The following RGS6 variants were observed in gnomAD, a reference collection of about 807,000 sequenced individuals.
RGS6 encodes regulator of G protein signaling 6, also known as regulator of G-protein signaling 6.
Under a neutral mutation model 78.5 loss-of-function variants are expected in RGS6, and 30 were observed. That is an observed-to-expected ratio of 0.38 (90% confidence interval 0.29 to 0.52). The LOEUF (loss-of-function observed/expected upper bound fraction) is 0.52. Among genes scored for constraint, RGS6 ranks in the 20% least tolerant of loss-of-function variants. RGS6 has a pLI of 0.85. For synonymous variants in RGS6, 206 were observed against 206.0 expected (o/e 1.00, Z 0.00); for missense variants, 495 against 609.7 (o/e 0.81, Z 1.98).
chr14:72,010,706 G>T (rs1167192624), intron 2 of RGS6, among the ~76,000 whole-genome samples: 2 of 152,134 alleles, frequency 1.3e-5, no homozygotes, highest in Admixed American at 6.5e-5. Flanking sequence ...ATAAATCAGG[G>T]GAGGAAGATA....
intron 13 of RGS6, among the ~76,000 whole-genome samples, chr14:72,499,860 T>C (rs1450471641): frequency 6.6e-6 from 1 of 152,140 alleles, no homozygotes; most frequent in Non-Finnish European, 1.5e-5. Context: ...TCCCTCCAGC[T>C]GTTCTATATC....
chr14:71,990,979 C>A, intron 2 of RGS6: 1 of 378,744 alleles, frequency 2.6e-6, no homozygotes, highest in South Asian at 2.0e-5. Flanking sequence ...ACTCACCACT[C>A]TACGCAATAT....
At position 72,394,910 on chromosome 14, in the gene RGS6, A is replaced by G. The variant is rs893873694; in HGVS notation, c.184+42716A>G. Among the ~76,000 whole-genome samples, 6 of 152,202 alleles carry G rather than the reference A, an allele frequency of 3.9e-5. No homozygotes were observed. In the South Asian group the frequency reaches 1.2e-3, roughly 32 times the overall value. ...AGATTGCAGTAAAGACAGGCATAAG[A>G]AATTATAAAAGTATTAATTTGGGGA... On this transcript the variant is annotated intron_variant, in intron 3 of 17. Coordinates refer to ENST00000553525, the MANE Select transcript of RGS6 (RefSeq NM_001204424.2).
chr14:71,986,105 A>G (rs777039473), intron 2 of RGS6, among the ~76,000 whole-genome samples: 5 of 152,270 alleles, frequency 3.3e-5, no homozygotes, highest in Non-Finnish European at 5.9e-5. Context: ...TTCCATTTCT[A>G]TCTCATCCTT....
chr14:72,505,931 C>CT lies in RGS6; in HGVS notation c.966-4222dup, dbSNP rs559226969. 7.9e-5 allele frequency among the ~76,000 whole-genome samples: 12 copies of CT among 152,272 alleles called. No homozygotes were observed. In the South Asian group the frequency reaches 2.1e-3, roughly 26 times the overall value. On this transcript the variant is annotated intron_variant, in intron 13 of 17. Coordinates refer to ENST00000553525, the MANE Select transcript of RGS6 (RefSeq NM_001204424.2). Reference sequence around the variant, plus strand: ...TTTGGTAACTTTCCTCCATCTCTAGCTGGGGGATCAGCAGAAATGAAAGAC... The same window carrying CT: ...TTTGGTAACTTTCCTCCATCTCTAGCTTGGGGGATCAGCAGAAATGAAAGAC...
intron 2 of RGS6, among the ~76,000 whole-genome samples, chr14:72,214,470 A>G (rs1319371899): frequency 6.6e-6 from 1 of 152,260 alleles, no homozygotes; most frequent in Non-Finnish European, 1.5e-5. Flanking sequence ...GAAATTAACA[A>G]GAATCAAATA....
chr14:72,473,091 C>T (rs901255717), intron 9 of RGS6, 138 bp downstream of exon 9: 4 of 568,150 alleles, frequency 7.0e-6, no homozygotes, highest in Non-Finnish European at 1.2e-5. Context: ...CTGGTTTCGC[C>T]ATTCATTTAT....
At chr14:72,021,038 C>T (rs1482019557) in intron 2 of RGS6, among the ~76,000 whole-genome samples, 1 of 152,192 alleles carries the variant, frequency 6.6e-6, no homozygotes, top group Non-Finnish European at 1.5e-5. Context: ...TGTGTCTTGC[C>T]AACTGGGACC....
chr14:71,878,301 G>C, the RGS6 span, among the ~76,000 whole-genome samples: 1 of 152,212 alleles, frequency 6.6e-6, no homozygotes, highest in Non-Finnish European at 1.5e-5. Context: ...GAGGCAGGCA[G>C]GCCTCCTTTA....
intron 2 of RGS6, among the ~76,000 whole-genome samples, chr14:72,238,565 C>G (rs1330495480): frequency 6.6e-6 from 1 of 152,088 alleles, no homozygotes; most frequent in Non-Finnish European, 1.5e-5. Flanking sequence ...GTCATCAGAA[C>G]TTATGTATAT....
intron 2 of RGS6, among the ~76,000 whole-genome samples, chr14:72,016,169 A>G (rs566272445): frequency 2.6e-5 from 4 of 152,270 alleles, no homozygotes; most frequent in Non-Finnish European, 5.9e-5. Context: ...CATTCTTTTA[A>G]AGTTTTCAAA....
the RGS6 span, among the ~76,000 whole-genome samples, chr14:71,869,224 G>A: frequency 4.1e-4 from 63 of 152,276 alleles, no homozygotes; most frequent in East Asian, 7.9e-3. Context: ...TGCCAGATTC[G>A]CCTTTAAAAT....
At chr14:72,481,822 T>A (rs2096384922) in intron 12 of RGS6, among the ~76,000 whole-genome samples, 1 of 150,372 alleles carries the variant, frequency 6.7e-6, no homozygotes. Context: ...TTTTTTTTTT[T>A]TTTTGAGACG....
At chr14:71,902,294 C>T in the RGS6 span, among the ~76,000 whole-genome samples, 5 of 152,118 alleles carry the variant, frequency 3.3e-5, no homozygotes, top group East Asian at 1.9e-4. Context: ...ACTTTGTACA[C>T]AAAAAAATTA....
chr14:71,988,906 T>G (rs1349539954), intron 2 of RGS6, among the ~76,000 whole-genome samples: 3 of 152,224 alleles, frequency 2.0e-5, no homozygotes, highest in South Asian at 2.1e-4. Context: ...ATAATATGTT[T>G]CCTTTCCTGA....
At chr14:72,466,848 A>G (rs951081664) in intron 7 of RGS6, among the ~76,000 whole-genome samples, 1 of 152,260 alleles carries the variant, frequency 6.6e-6, no homozygotes, top group African/African-American at 2.4e-5. Context: ...AATTTACTAC[A>G]TAATAACATT....
chr14:72,514,607 G>A (rs56130100), intron 14 of RGS6, among the ~76,000 whole-genome samples: 4 of 152,202 alleles, frequency 2.6e-5, no homozygotes, highest in Admixed American at 6.5e-5. Flanking sequence ...TCATGAACAC[G>A]GATCAAATGC....
chr14:72,592,159 C>T, the RGS6 span, among the ~76,000 whole-genome samples: 3 of 152,186 alleles, frequency 2.0e-5, no homozygotes, highest in Admixed American at 6.5e-5. Flanking sequence ...GGAAAGAGCA[C>T]CCTGAGATCC....
chr14:71,951,111 T>C (rs543186336), intron 1 of RGS6, among the ~76,000 whole-genome samples: 98 of 152,262 alleles, frequency 6.4e-4, no homozygotes, highest in African/African-American at 2.2e-3. Context: ...TGCATGTATG[T>C]GTTCATTGCA....
Sources: allele counts gnomAD v4.1 joint callset (sites outside exome capture counted in the v4.1 genomes callset), GRCh38; gene constraint gnomAD v4.1.1; transcripts MANE v1.5; gene names NCBI Gene and HGNC (gene_info 2026-07-23, HGNC 2026-07-21).